Variants in RTF1 observed in about 807,000 individuals in gnomAD.
RTF1 encodes RTF1 homolog, Paf1/RNA polymerase II complex component, also known as RNA polymerase-associated protein RTF1 homolog.
A neutral mutation model predicts 95.7 loss-of-function variants in RTF1; 10 were observed. The observed-to-expected ratio is 0.10, with a 90% CI of 0.06 to 0.18. RTF1 has a LOEUF of 0.18. Among genes scored for constraint, RTF1 ranks in the 10% least tolerant of loss-of-function variants. RTF1 has a pLI of 1.00. For synonymous variants in RTF1, 305 were observed against 311.8 expected, an observed-to-expected ratio of 0.98 and a Z score of 0.23; for missense variants, 458 against 875.6, an observed-to-expected ratio of 0.52 and a Z score of 6.02.
intron 1 of RTF1, among the ~76,000 whole-genome samples, chr15:41,420,470 C>T (rs2050594974): frequency 6.6e-6 from 1 of 152,224 alleles, no homozygotes; most frequent in African/African-American, 2.4e-5. Flanking sequence ...TGGATCTTTC[C>T]TGCCCCAAAT....
At chr15:41,447,447 T>TG (rs2050769390) in intron 2 of RTF1, among the ~76,000 whole-genome samples, 1 of 152,170 alleles carries the variant, frequency 6.6e-6, no homozygotes, top group Non-Finnish European at 1.5e-5. Flanking sequence ...CAGCGTGACA[T>TG]GGGGGAATAT....
At chr15:41,433,475 C>T (rs967991930) in intron 1 of RTF1, among the ~76,000 whole-genome samples, 1 of 152,014 alleles carries the variant, frequency 6.6e-6, no homozygotes, top group Non-Finnish European at 1.5e-5. Flanking sequence ...GCTAGGACTA[C>T]AGGCGTGCGC....
Position 41,480,971 on chromosome 15 carries a change from A to G in RTF1, c.*284A>G. 2.5e-6 allele frequency: 1 copy of G among 397,462 alleles called. No homozygotes were observed. The highest frequency in any genetic ancestry group is 4.7e-6 in the Non-Finnish European group (1 of 212,554). 24.6% of individuals were successfully genotyped at this position (397,462 alleles called of 1,614,324 possible). A position where few individuals can be genotyped will look rare whatever the true frequency, so the allele number is the denominator to read the frequency against. ...ATTTGTGTTTGCCTTTTGTTTTTTT[A>G]ACCGCGCAGTTCATTGGCCACTCTG... On this transcript the variant is annotated 3_prime_UTR_variant, in exon 18 of 18. Transcript: ENST00000389629.
At chr15:41,460,821 G>A (rs924073964) in intron 4 of RTF1, among the ~76,000 whole-genome samples, 3 of 151,520 alleles carry the variant, frequency 2.0e-5, no homozygotes, top group Non-Finnish European at 4.4e-5. Context: ...AGCCTCCCAA[G>A]TAGCTGGGAC....
At chr15:41,419,327 A>G (rs1488575006) in intron 1 of RTF1, among the ~76,000 whole-genome samples, 1 of 152,174 alleles carries the variant, frequency 6.6e-6, no homozygotes, top group African/African-American at 2.4e-5. Flanking sequence ...TCAAGTTTTC[A>G]CATTATGGTA....
At chr15:41,460,316 T>TTTCA (rs1189668984) in intron 4 of RTF1, among the ~76,000 whole-genome samples, 2 of 151,904 alleles carry the variant, frequency 1.3e-5, no homozygotes, top group Non-Finnish European at 2.9e-5. Flanking sequence ...AGAGACAGGG[T>TTTCA]TTCACCATGT....
At chr15:41,440,786 C>A (rs2050729778) in intron 2 of RTF1, among the ~76,000 whole-genome samples, 1 of 151,384 alleles carries the variant, frequency 6.6e-6, no homozygotes, top group Non-Finnish European at 1.5e-5. Flanking sequence ...CTGTGCCTGG[C>A]CAAAAGTTTA....
At chr15:41,421,840 A>G (rs780576930) in intron 1 of RTF1, among the ~76,000 whole-genome samples, 5 of 151,352 alleles carry the variant, frequency 3.3e-5, no homozygotes, top group Non-Finnish European at 5.9e-5. Flanking sequence ...CCTCTCAAGT[A>G]GCTGGGACTA....
rs1417271289 is a variant in RTF1, at chr15:41,480,681, T to C, written c.2127T>C (p.Leu709=). The C allele has an allele frequency of 1.2e-6, 2 of 1,611,324 alleles. No homozygotes were observed. The highest frequency in any genetic ancestry group is 1.7e-4 in the Middle Eastern group (1 of 6,058). ...NLEDYKKRRG[L]I is the part of the protein sequence containing the mutation. ...AAGACTACAAAAAACGACGAGGGCT[T>C]ATTTGAGCACACCCAGCCTGCTGCT... The change falls in exon 18 of 18, where the codon CTT becomes CTC. Residue 709 remains leucine (L), a synonymous_variant. Coordinates refer to ENST00000389629, the MANE Select transcript of RTF1 (RefSeq NM_015138.5).
chr15:41,419,459 A>G (rs1301609268), intron 1 of RTF1, among the ~76,000 whole-genome samples: 2 of 152,236 alleles, frequency 1.3e-5, no homozygotes, highest in African/African-American at 4.8e-5. Context: ...TACAAAGCCT[A>G]TACTGTTTCC....
chr15:41,425,160 T>C (rs980790843), intron 1 of RTF1, among the ~76,000 whole-genome samples: 4 of 152,126 alleles, frequency 2.6e-5, no homozygotes, highest in African/African-American at 9.6e-5. Context: ...CGGACTGCAG[T>C]GGCGCTGTCT....
chr15:41,452,894 C>T lies in RTF1; in HGVS notation c.310-7C>T. 2 of 1,579,660 alleles carry T rather than the reference C, an allele frequency of 1.3e-6. No individual in the cohort carries two copies. The highest frequency in any genetic ancestry group is 1.9e-5 in the Admixed American group (1 of 52,604). On this transcript the variant is annotated splice_polypyrimidine_tract_variant and splice_region_variant and intron_variant, in intron 2 of 17. Transcript: ENST00000389629. Reference sequence around the variant, plus strand: ...TTTCAGTCTTCCTTTTTCTTTTCTCCTTATAGTGGACATTTGGGAGCAATA... The same window carrying T: ...TTTCAGTCTTCCTTTTTCTTTTCTCTTTATAGTGGACATTTGGGAGCAATA...
At chr15:41,440,878 G>A (rs539471831) in intron 2 of RTF1, among the ~76,000 whole-genome samples, 191 of 151,676 alleles carry the variant, frequency 1.3e-3, no homozygotes, top group Non-Finnish European at 2.2e-3. Context: ...GAAATAATTT[G>A]CTTTTTCATT....
At chr15:41,433,886 C>A (rs1234848644) in intron 1 of RTF1, among the ~76,000 whole-genome samples, 2 of 140,858 alleles carry the variant, frequency 1.4e-5, no homozygotes, top group African/African-American at 5.3e-5. Flanking sequence ...GCTCTTTTTG[C>A]CCAGGCTGGA....
In RTF1 at chr15:41,437,018, C is replaced by T. The variant is rs550440613; in HGVS notation, c.199-1303C>T. Reference sequence around the variant, plus strand: ...AGGAGAATCGCTTGAACCCGGGAGGCGGAGGTTGCAGTAAGCCGAGATCTC... The same window carrying T: ...AGGAGAATCGCTTGAACCCGGGAGGTGGAGGTTGCAGTAAGCCGAGATCTC... On this transcript the variant is annotated intron_variant, in intron 1 of 17. Transcript: ENST00000389629. 8.6e-5 allele frequency among the ~76,000 whole-genome samples: 13 copies of T among 150,408 alleles called. No homozygotes were observed. In the East Asian group the frequency reaches 1.8e-3, roughly 21 times the overall value.
chr15:41,463,857 T>C (rs2050865415), intron 4 of RTF1, among the ~76,000 whole-genome samples: 1 of 152,106 alleles, frequency 6.6e-6, no homozygotes, highest in Non-Finnish European at 1.5e-5. Context: ...GTTGTTTGTT[T>C]GTTGTTTGTT....
chr15:41,430,173 A>G (rs2050661908), intron 1 of RTF1, among the ~76,000 whole-genome samples: 1 of 138,840 alleles, frequency 7.2e-6, no homozygotes, highest in Admixed American at 7.3e-5. Flanking sequence ...ATGTCTGGCT[A>G]ATTTTTTTTT....
chr15:41,420,960 G>GTAACA (rs1174300508), intron 1 of RTF1, among the ~76,000 whole-genome samples: 1 of 152,186 alleles, frequency 6.6e-6, no homozygotes, highest in African/African-American at 2.4e-5. Context: ...AATCTTTTTA[G>GTAACA]TAACACACTA....
At chr15:41,421,475 A>G (rs2050600622) in intron 1 of RTF1, among the ~76,000 whole-genome samples, 1 of 149,874 alleles carries the variant, frequency 6.7e-6, no homozygotes, top group Admixed American at 6.7e-5. Context: ...AAAAAAAAGA[A>G]TTTAAAAATT....
Sources: gnomAD v4.1 joint callset for allele counts (sites outside exome capture counted in the v4.1 genomes callset) on GRCh38, gnomAD v4.1.1 for gene constraint, MANE v1.5 for transcripts, NCBI Gene and HGNC (gene_info 2026-07-23, HGNC 2026-07-21) for gene names.